The following PLCL1 variants were observed in gnomAD, a reference collection of about 807,000 sequenced individuals.
PLCL1 encodes the protein inactive phospholipase C-like protein 1.
In PLCL1, 41 loss-of-function variants were observed where a neutral mutation model predicts 84.4. The ratio of observed to expected loss-of-function variants is 0.49; its 90% CI spans 0.38 to 0.63. The LOEUF is 0.63. PLCL1 is among the 30% of genes least tolerant of loss of function. The probability of loss-of-function intolerance (pLI) is 0.00; values close to 1 mark genes in which losing one functional copy is unlikely to be tolerated. For synonymous variants in PLCL1, 490 were observed against 488.3 expected, an observed-to-expected ratio of 1.00 and a Z score of -0.05; for missense variants, 1,206 against 1,367.8, an observed-to-expected ratio of 0.88 and a Z score of 1.87.
intron 1 of PLCL1, among the ~76,000 whole-genome samples, chr2:197,864,371 T>C (rs1687489473): frequency 6.6e-6 from 1 of 151,754 alleles, no homozygotes; most frequent in African/African-American, 2.4e-5. Context: ...TTTGTTTCTC[T>C]ATGTTTCATT....
chr2:198,101,537 A>G (rs1693336660), intron 4 of PLCL1, among the ~76,000 whole-genome samples, 177 bp downstream of exon 4: 1 of 151,996 alleles, frequency 6.6e-6, no homozygotes, highest in African/African-American at 2.4e-5. Context: ...TACAGATGAA[A>G]TCCAAGTGAT....
chr2:197,935,598 C>T (rs917434844), intron 1 of PLCL1, among the ~76,000 whole-genome samples: 8 of 152,080 alleles, frequency 5.3e-5, no homozygotes, highest in African/African-American at 1.7e-4. Context: ...ACAACAGACA[C>T]GGGAACCTAT....
intron 1 of PLCL1, among the ~76,000 whole-genome samples, chr2:197,930,419 G>A (rs887773679): frequency 6.6e-6 from 1 of 152,194 alleles, no homozygotes; most frequent in Non-Finnish European, 1.5e-5. Context: ...TTGGTGAAAT[G>A]TCTTGAGGGA....
At chr2:197,874,320 A>G (rs1344398260) in intron 1 of PLCL1, among the ~76,000 whole-genome samples, 3 of 152,154 alleles carry the variant, frequency 2.0e-5, no homozygotes, top group Non-Finnish European at 4.4e-5. Flanking sequence ...TATAGAAAAA[A>G]GTAACTTTAA....
chr2:197,965,832 T>C (rs749840507), intron 1 of PLCL1, among the ~76,000 whole-genome samples: 1 of 152,158 alleles, frequency 6.6e-6, no homozygotes, highest in Non-Finnish European at 1.5e-5. Flanking sequence ...GAGCATGTTG[T>C]TTAATTTCCA....
intron 1 of PLCL1, among the ~76,000 whole-genome samples, chr2:197,988,212 C>T (rs1690259201): frequency 1.3e-5 from 2 of 152,244 alleles, no homozygotes; most frequent in South Asian, 4.2e-4. Context: ...TATAAATGAG[C>T]TGAGTGAGTA....
intron 1 of PLCL1, among the ~76,000 whole-genome samples, chr2:197,886,132 C>G (rs940173352): frequency 2.0e-5 from 3 of 152,110 alleles, no homozygotes; most frequent in African/African-American, 7.2e-5. Context: ...AAATTCCTAG[C>G]TGGGAGCAGT....
At chr2:197,821,291 T>A (rs1690809943) in intron 1 of PLCL1, among the ~76,000 whole-genome samples, 1 of 152,196 alleles carries the variant, frequency 6.6e-6, no homozygotes, top group South Asian at 2.1e-4. Context: ...GGAATTTAGC[T>A]GAGAATATTT....
At chr2:197,938,073 T>G (rs760845680) in intron 1 of PLCL1, among the ~76,000 whole-genome samples, 6 of 152,166 alleles carry the variant, frequency 3.9e-5, no homozygotes, top group Non-Finnish European at 8.8e-5. Flanking sequence ...CTCACAGATA[T>G]CTTACATTTT....
At chr2:198,130,096 G>T (rs1340474279) in intron 5 of PLCL1, among the ~76,000 whole-genome samples, 1 of 152,070 alleles carries the variant, frequency 6.6e-6, no homozygotes, top group Non-Finnish European at 1.5e-5. Flanking sequence ...CTGGGCTCAA[G>T]CAATCCTCCT....
intron 1 of PLCL1, among the ~76,000 whole-genome samples, chr2:197,999,812 C>A (rs1319628222): frequency 6.6e-6 from 1 of 152,132 alleles, no homozygotes; most frequent in Non-Finnish European, 1.5e-5. Flanking sequence ...TCCTCCCTTT[C>A]TTCCCTCTCC....
intron 3 of PLCL1, among the ~76,000 whole-genome samples, chr2:198,097,336 A>G (rs1003342309): frequency 3.9e-5 from 6 of 152,168 alleles, no homozygotes; most frequent in Admixed American, 3.9e-4. Context: ...GACCATGGAT[A>G]TCAGAGATAC....
rs531498690 is a variant in PLCL1, at chr2:198,094,357, A to C, written c.2919+5296A>C. Among the ~76,000 whole-genome samples, 34 of 152,304 alleles carry C rather than the reference A, an allele frequency of 2.2e-4. No individual in the cohort carries two copies. In the South Asian group the frequency reaches 6.8e-3, roughly 31 times the overall value. On this transcript the variant is annotated intron_variant, in intron 3 of 5. Transcript: ENST00000428675. ...ATTACAGGTGTGAGCCACCGTGCCC[A>C]GCCTTAAAAGTCCTTTTAAATTAGT... is the stretch of plus-strand genomic sequence containing the variant.
At chr2:197,960,713 T>C (rs947869811) in intron 1 of PLCL1, among the ~76,000 whole-genome samples, 1 of 152,072 alleles carries the variant, frequency 6.6e-6, no homozygotes, top group Non-Finnish European at 1.5e-5. Context: ...ACATCTTTTC[T>C]TTTCATGTTA....
rs60411488 is a variant in PLCL1, at chr2:197,961,238, G to GGAGAGA, written c.241-122496_241-122491dup. Among the ~76,000 whole-genome samples the GGAGAGA allele has an allele frequency of 7.0e-3, 1,016 of 146,062 alleles. 6 individuals carry two copies. The highest frequency in any genetic ancestry group is 0.011 in the African/African-American group (431 of 39,816). ...TTATTTGAAGGTCATTTGGGAAGGT[G>GGAGAGA]GAGAGAGAGAGAGAGAGAGAGAGAG... On this transcript the variant is annotated intron_variant, in intron 1 of 5. Coordinates refer to ENST00000428675, the MANE Select transcript of PLCL1 (RefSeq NM_006226.4).
rs115464341 is a variant in PLCL1 at position 197,810,644 on chromosome 2, G to T, written c.240+5305G>T. Among the ~76,000 whole-genome samples, 849 of 152,278 alleles carry T rather than the reference G, an allele frequency of 5.6e-3. 5 individuals are homozygous for T. Among genetic ancestry groups the T allele is most frequent in the African/African-American group, 0.02 (814 of 41,564 alleles). ...CATTATGAAAAGATATCAGGAGACA[G>T]CCGACCTTACCTTGGTGCTACTGAA... On this transcript the variant is annotated intron_variant, in intron 1 of 5. Transcript: ENST00000428675.
chr2:197,922,632 G>C (rs1442433987), intron 1 of PLCL1, among the ~76,000 whole-genome samples: 1 of 143,848 alleles, frequency 7.0e-6, no homozygotes, highest in Non-Finnish European at 1.5e-5. Context: ...GCGGCTGGCC[G>C]GGCAGGGGGC....
chr2:197,983,657 G>T (rs1218564069), intron 1 of PLCL1, among the ~76,000 whole-genome samples: 2 of 152,210 alleles, frequency 1.3e-5, no homozygotes, highest in African/African-American at 4.8e-5. Context: ...ACCGAAGATA[G>T]AAAGGAGATA....
intron 5 of PLCL1, among the ~76,000 whole-genome samples, chr2:198,112,375 C>G (rs1238450039): frequency 2.6e-5 from 4 of 151,866 alleles, no homozygotes. Flanking sequence ...AGCCAGCCTC[C>G]TCTTGTTTCT....
Sources: allele counts gnomAD v4.1 joint callset (sites outside exome capture counted in the v4.1 genomes callset), GRCh38; gene constraint gnomAD v4.1.1; transcripts MANE v1.5; gene names NCBI Gene and HGNC (gene_info 2026-07-23, HGNC 2026-07-21).